ZBTB20: variants seen among roughly 807,000 people sequenced by gnomAD.
ZBTB20 encodes zinc finger and BTB domain-containing protein 20.
Under a neutral mutation model 56.9 loss-of-function variants are expected in ZBTB20, and 9 were observed. The observed-to-expected ratio is 0.16, with a 90% CI of 0.10 to 0.28. The LOEUF (loss-of-function observed/expected upper bound fraction) is 0.28. ZBTB20 is among the 10% of genes least tolerant of loss of function. ZBTB20 has a pLI of 1.00. For synonymous variants in ZBTB20, 417 were observed against 420.7 expected (o/e 0.99, Z 0.11); for missense variants, 655 against 1,003.0 (o/e 0.65, Z 4.69).
intron 4 of ZBTB20, among the ~76,000 whole-genome samples, chr3:114,853,662 A>AT (rs2075113136): frequency 2.0e-5 from 3 of 152,228 alleles, no homozygotes; most frequent in Admixed American, 1.3e-4. Context: ...ATTTCCCCTC[A>AT]TAAGCATATT....
At chr3:114,952,949 G>T (rs2077122442) in intron 3 of ZBTB20, among the ~76,000 whole-genome samples, 1 of 152,016 alleles carries the variant, frequency 6.6e-6, no homozygotes, top group Admixed American at 6.6e-5. Context: ...AAACCTATGA[G>T]TAAATATAAG....
chr3:114,367,671 G>T (rs994718056), intron 10 of ZBTB20, among the ~76,000 whole-genome samples: 3 of 152,148 alleles, frequency 2.0e-5, no homozygotes, highest in Non-Finnish European at 4.4e-5. Flanking sequence ...CCTATACCAA[G>T]AAGACAACAT....
chr3:114,760,553 A>G (rs929075926), intron 5 of ZBTB20, among the ~76,000 whole-genome samples: 7 of 152,204 alleles, frequency 4.6e-5, no homozygotes, highest in Admixed American at 4.6e-4. Context: ...AAAAGATGGG[A>G]TTTAATACAT....
intron 5 of ZBTB20, among the ~76,000 whole-genome samples, chr3:114,768,777 C>T (rs865938406): frequency 6.6e-5 from 10 of 151,868 alleles, no homozygotes; most frequent in South Asian, 2.1e-4. Context: ...TTTTCATAAG[C>T]GAGGGAAGAG....
At chr3:114,932,204 TCACCTGTAAC>T (rs1445452620) in intron 3 of ZBTB20, among the ~76,000 whole-genome samples, 1 of 152,202 alleles carries the variant, frequency 6.6e-6, no homozygotes, top group African/African-American at 2.4e-5. Context: ...GGGTTATGGA[TCACCTGTAAC>T]CACCTGTAAC....
intron 1 of ZBTB20, among the ~76,000 whole-genome samples, chr3:115,122,048 A>G (rs2084196976): frequency 6.6e-6 from 1 of 152,088 alleles, no homozygotes; most frequent in Non-Finnish European, 1.5e-5. Context: ...ATTTAGAATC[A>G]TACTGCAGTT....
At position 114,335,291 on chromosome 3, in the gene ZBTB20, A is replaced by G. The variant is rs538368226; in HGVS notation, c.*3714T>C. On this transcript the variant is annotated 3_prime_UTR_variant, in exon 12 of 12. Coordinates refer to ENST00000675478, the MANE Select transcript of ZBTB20 (RefSeq NM_001348800.3). ...TATCTATCTGTTTCCTGGCTACTAG[A>G]AAGAAATTTTTTTAGCACTCATATC... 3 of 152,346 alleles carry G rather than the reference A, an allele frequency of 2.0e-5. No homozygotes were observed. The highest frequency in any genetic ancestry group is 1.3e-4 in the Admixed American group (2 of 15,300). 9.4% of individuals were successfully genotyped at this position (152,346 alleles called of 1,614,324 possible).
chr3:114,432,202 C>T (rs2090177171), intron 7 of ZBTB20, among the ~76,000 whole-genome samples: 1 of 151,738 alleles, frequency 6.6e-6, no homozygotes, highest in Admixed American at 6.6e-5. Flanking sequence ...AGATATAATC[C>T]TGCTTTGATA....
chr3:114,582,139 C>A (rs1050292867), intron 6 of ZBTB20: 3 of 152,128 alleles, frequency 2.0e-5, no homozygotes, highest in African/African-American at 7.2e-5. Flanking sequence ...TGGAAAATTT[C>A]ACCTTCAAGG....
In ZBTB20 at chr3:115,125,238, G is replaced by A. The variant is rs531581120; in HGVS notation, c.-703+21981C>T. Among the ~76,000 whole-genome samples the A allele has an allele frequency of 7.9e-5, 12 of 152,060 alleles. No homozygotes were observed. The South Asian group carries it at 2.3e-3, about 29-fold the overall frequency. ...TGCGCCTGTAGTCCCAGCTACGCAG[G>A]AGGTTGAGACAGGATGATCCCCTGA... On this transcript the variant is annotated intron_variant, in intron 1 of 11. Coordinates refer to ENST00000675478, the MANE Select transcript of ZBTB20 (RefSeq NM_001348800.3).
At chr3:115,036,471 G>A (rs1207505944) in intron 2 of ZBTB20, among the ~76,000 whole-genome samples, 1 of 152,080 alleles carries the variant, frequency 6.6e-6, no homozygotes, top group Non-Finnish European at 1.5e-5. Flanking sequence ...CTGGAGTGCA[G>A]TGGTGCGATC....
At chr3:114,588,532 T>C (rs989335572) in intron 6 of ZBTB20, among the ~76,000 whole-genome samples, 2 of 152,214 alleles carry the variant, frequency 1.3e-5, no homozygotes, top group African/African-American at 2.4e-5. Context: ...TTAGCTTATG[T>C]AAAATTTTTT....
intron 7 of ZBTB20, among the ~76,000 whole-genome samples, chr3:114,475,686 G>A (rs1169027230): frequency 6.6e-6 from 1 of 152,176 alleles, no homozygotes; most frequent in Non-Finnish European, 1.5e-5. Context: ...ATAGCAGTCA[G>A]AGGGTAAAGA....
At chr3:114,501,944 G>T (rs1193191551) in intron 6 of ZBTB20, among the ~76,000 whole-genome samples, 1 of 151,936 alleles carries the variant, frequency 6.6e-6, no homozygotes, top group Non-Finnish European at 1.5e-5. Context: ...CTGAACTCAG[G>T]TGATCCACCC....
intron 6 of ZBTB20, among the ~76,000 whole-genome samples, chr3:114,636,865 G>T (rs2059302901): frequency 6.6e-6 from 1 of 151,640 alleles, no homozygotes; most frequent in African/African-American, 2.4e-5. Flanking sequence ...GATACAAACT[G>T]GCTGAAGAGA....
intron 2 of ZBTB20, among the ~76,000 whole-genome samples, chr3:115,037,279 T>TG (rs901454059): frequency 1.5e-4 from 22 of 151,456 alleles, no homozygotes; most frequent in East Asian, 5.8e-4. Flanking sequence ...AAGAAATTTT[T>TG]GGGGGGGGCG....
rs57059379 is a variant in ZBTB20 at position 114,651,550 on chromosome 3, T to TAA, written c.-295+41976_-295+41977dup. Among the ~76,000 whole-genome samples, 138 of 91,372 alleles carry TAA rather than the reference T, an allele frequency of 1.5e-3. No homozygotes were observed. The East Asian group carries it at 0.017, about 11-fold the overall frequency. 59.9% of individuals were successfully genotyped at this position (91,372 alleles called of 152,430 possible). A position where few individuals can be genotyped will look rare whatever the true frequency, so the allele number is the denominator to read the frequency against. On this transcript the variant is annotated intron_variant, in intron 6 of 11. Transcript: ENST00000675478. ...ATAAGTAAAACCCTTGGTTGGATAG[T>TAA]AAAAAAAAAAAAAAAAAAAAAAGGA...
chr3:115,105,210 T>C (rs902971234), intron 1 of ZBTB20, among the ~76,000 whole-genome samples: 3 of 152,222 alleles, frequency 2.0e-5, no homozygotes, highest in East Asian at 1.9e-4. Context: ...TTAAAGCCAA[T>C]GCTTAAGTGC....
At chr3:114,643,442 C>G (rs2059663271) in intron 6 of ZBTB20, among the ~76,000 whole-genome samples, 1 of 152,100 alleles carries the variant, frequency 6.6e-6, no homozygotes, top group Non-Finnish European at 1.5e-5. Flanking sequence ...CACAGGGGAA[C>G]AGCAAATGCT....
Sources: allele counts gnomAD v4.1 joint callset (sites outside exome capture counted in the v4.1 genomes callset), GRCh38; gene constraint gnomAD v4.1.1; transcripts MANE v1.5; gene names NCBI Gene and HGNC (gene_info 2026-07-23, HGNC 2026-07-21).